DDX11: variants seen among roughly 807,000 people sequenced by gnomAD.
DDX11 encodes the protein ATP-dependent DNA helicase DDX11.
A neutral mutation model predicts 125.2 loss-of-function variants in DDX11; 72 were observed. The ratio of observed to expected loss-of-function variants is 0.58; its 90% CI spans 0.48 to 0.70. DDX11 has a LOEUF of 0.70. DDX11 is among the 30% of genes least tolerant of loss of function. The pLI is 0.00. For missense variants in DDX11, 883 were observed against 1,165.0 expected (o/e 0.76, Z 3.52); for synonymous variants, 347 against 452.6 (o/e 0.77, Z 2.96).
chr12:31,092,768 T>A, intron 10 of DDX11, 78 bp from the exon 11 acceptor site: 1 of 1,472,620 alleles, frequency 6.8e-7, no homozygotes, highest in African/African-American at 1.4e-5. Flanking sequence ...AGGGCCAGCA[T>A]CTTCTAGGTG....
intron 12 of DDX11, 102 bp from the exon 13 acceptor site, chr12:31,094,488 A>G (rs1944864225): frequency 2.0e-5 from 30 of 1,530,084 alleles, no homozygotes; most frequent in Non-Finnish European, 2.5e-5. Flanking sequence ...TTAAATACAG[A>G]TGCTCTTCTT....
At chr12:31,097,790 C>T in intron 17 of DDX11, 95 bp from the exon 18 acceptor site, 1 of 765,496 alleles carries the variant, frequency 1.3e-6, no homozygotes, top group Non-Finnish European at 2.3e-6. Flanking sequence ...AGCACTTGTG[C>T]CTCAGACCTG....
At chr12:31,092,579 G>C (rs1020722882) in intron 10 of DDX11, among the ~76,000 whole-genome samples, 3 of 151,932 alleles carry the variant, frequency 2.0e-5, no homozygotes, top group African/African-American at 7.3e-5. Context: ...TTAGCAGGGA[G>C]ATTCCATACT....
At chr12:31,089,697 C>A in intron 8 of DDX11, 189 bp from the exon 9 acceptor site, 1 of 1,233,422 alleles carries the variant, frequency 8.1e-7, no homozygotes. Context: ...GATGATTTTA[C>A]GGGCTCTTTC....
At chr12:31,094,864 T>G (rs1344387274) in intron 14 of DDX11, 42 bp downstream of exon 14, 1 of 1,599,260 alleles carries the variant, frequency 6.3e-7, no homozygotes, top group South Asian at 1.1e-5. Flanking sequence ...CCAATTTCCT[T>G]CCTGTCACCA....
chr12:31,093,525 G>C, intron 12 of DDX11: 1 of 716,894 alleles, frequency 1.4e-6, no homozygotes, highest in Admixed American at 2.2e-5. Flanking sequence ...AGACCAGCCT[G>C]GCCAACATGG....
intron 5 of DDX11, 25 bp downstream of exon 5, chr12:31,085,151 C>G: frequency 6.4e-7 from 1 of 1,551,082 alleles, no homozygotes; most frequent in Non-Finnish European, 8.7e-7. Context: ...GTAGCACTAC[C>G]CTGCCCCAGG....
chr12:31,100,876 C>CT, intron 19 of DDX11, 151 bp from the exon 20 acceptor site: 1 of 1,083,746 alleles, frequency 9.2e-7, no homozygotes, highest in African/African-American at 1.6e-5. Context: ...TCCCTGCTGC[C>CT]TGCTGCCCAG....
At chr12:31,079,600 T>A (rs1325040020) in intron 2 of DDX11, among the ~76,000 whole-genome samples, 1 of 149,384 alleles carries the variant, frequency 6.7e-6, no homozygotes, top group Non-Finnish European at 1.5e-5. Context: ...ATGACCTCCT[T>A]TACCCTTGAA....
rs1320543804 is a variant in DDX11 at position 31,081,799 on chromosome 12, G to A, written c.145-2014G>A. On this transcript the variant is annotated intron_variant, in intron 2 of 26. Transcript: ENST00000542838. ...TAAAAGTTTTGTGGTCTTATTACAC[G>A]ATGTAGAAAACAGTGGGCCTCAGTT... 1.9e-5 allele frequency among the ~76,000 whole-genome samples: 2 copies of A among 103,540 alleles called. 1 individual carries two copies. The highest frequency in any genetic ancestry group is 3.7e-5 in the Non-Finnish European group (2 of 53,880). The allele number at this position is 103,540 out of a possible 152,430, so 67.9% of individuals were successfully genotyped here.
intron 18 of DDX11, among the ~76,000 whole-genome samples, chr12:31,099,084 CT>C (rs763612105): frequency 0.029 from 1,858 of 63,788 alleles, 19 homozygotes; most frequent in South Asian, 0.075. Context: ...TTCTTTCTTT[CT>C]TTTTTTTTTT....
chr12:31,093,348 A>G, intron 12 of DDX11, 24 bp downstream of exon 12: 1 of 1,613,594 alleles, frequency 6.2e-7, no homozygotes. Flanking sequence ...CCCCCTGCTG[A>G]CCCCGGGCCT....
chr12:31,080,209 C>T (rs1941608389), intron 2 of DDX11, among the ~76,000 whole-genome samples: 2 of 149,614 alleles, frequency 1.3e-5, no homozygotes, highest in South Asian at 4.3e-4. Context: ...TTCAGTCTCT[C>T]CAGAGCAGGT....
intron 6 of DDX11, 151 bp downstream of exon 6, chr12:31,088,134 A>G: frequency 7.8e-7 from 1 of 1,289,588 alleles, no homozygotes; most frequent in Non-Finnish European, 1.1e-6. Flanking sequence ...CTTCTTGCAC[A>G]CAACCCTGGT....
chr12:31,096,477 A>G (rs1254606011), intron 15 of DDX11, 98 bp downstream of exon 15: 1 of 1,610,952 alleles, frequency 6.2e-7, no homozygotes, highest in African/African-American at 1.3e-5. Context: ...GGAACTCCAG[A>G]GTCCCCTTCG....
At chr12:31,083,400 G>T (rs11610494) in intron 2 of DDX11, among the ~76,000 whole-genome samples, 1 of 152,076 alleles carries the variant, frequency 6.6e-6, no homozygotes, top group African/African-American at 2.4e-5. Flanking sequence ...CTGCACGAAG[G>T]CCGCGCGGTC....
chr12:31,085,023 G>C lies in DDX11; in HGVS notation c.535G>C (p.Glu179Gln). 6.2e-7 allele frequency: 1 copy of C among 1,612,012 alleles called. No homozygotes were observed. Among genetic ancestry groups the C allele is most frequent in the Non-Finnish European group, 8.5e-7 (1 of 1,178,954 alleles). ...NLLRLSREMLETGPEAERLEQ... is the reference protein window; with the variant it reads ...NLLRLSREMLQTGPEAERLEQ... ...CCTCCGCCTCAGCAGGGAGATGCTA[G>C]AGACAGGCCCGGAGGCTGAGCGGCT... Residue 179 changes from glutamate to glutamine, a missense_variant, in exon 5 of 27, where the codon GAG becomes CAG. Physicochemically the swap from Glu to Gln is conservative, Grantham distance 29. Transcript: ENST00000542838.
rs371867621 is a variant in DDX11, at chr12:31,084,000, C to T, written c.332C>T (p.Pro111Leu). ...GGCACCCCGAGGCCTGCTGGAGAAC[C>T]GGCCTGGGTTACTCAGTTTGTGCAG... ...AAGTPRPAGE[P>L]AWVTQFVQKK... The change falls in exon 3 of 27, where the codon CCG becomes CTG. Residue 111 changes from proline (P) to leucine (L), a missense_variant. Physicochemically the swap from Pro to Leu is moderately conservative, Grantham distance 98. Coordinates refer to ENST00000542838, the MANE Select transcript of DDX11 (RefSeq NM_030653.4). The T allele has an allele frequency of 1.9e-4, 308 of 1,613,764 alleles. No homozygotes were observed. The highest frequency in any genetic ancestry group is 5.3e-4 in the Admixed American group (32 of 60,002).
At chr12:31,097,046 C>T (rs1261992171) in intron 17 of DDX11, 56 bp downstream of exon 17, 43 of 1,607,736 alleles carry the variant, frequency 2.7e-5, no homozygotes, top group East Asian at 4.5e-5. Flanking sequence ...AAGCTGAGCC[C>T]GGGAGCCGCA....
Sources: gnomAD v4.1 joint callset for allele counts (sites outside exome capture counted in the v4.1 genomes callset) on GRCh38, gnomAD v4.1.1 for gene constraint, MANE v1.5 for transcripts, NCBI Gene and HGNC (gene_info 2026-07-23, HGNC 2026-07-21) for gene names.